Variants in MEIOSIN observed in about 807,000 individuals in gnomAD.
MEIOSIN encodes meiosis initiator protein.
A neutral mutation model predicts 23.4 loss-of-function variants in MEIOSIN; 18 were observed. That is an observed-to-expected ratio of 0.77 (90% CI 0.53 to 1.14). The LOEUF (loss-of-function observed/expected upper bound fraction) is 1.14. MEIOSIN is among the 50% of genes most tolerant of loss of function. The pLI is 0.00. For synonymous variants in MEIOSIN, 187 were observed against 100.6 expected (o/e 1.86, Z -5.14); for missense variants, 428 against 242.9 (o/e 1.76, Z -5.07).
At chr19:45,749,192 G>A (rs1043592873) in intron 4 of MEIOSIN, among the ~76,000 whole-genome samples, 2 of 151,540 alleles carry the variant, frequency 1.3e-5, no homozygotes, top group East Asian at 1.9e-4. Flanking sequence ...ACAACATGGC[G>A]AAACCTCATC....
intron 3 of MEIOSIN, among the ~76,000 whole-genome samples, chr19:45,742,549 G>A (rs1968524180): frequency 1.3e-5 from 2 of 151,882 alleles, no homozygotes; most frequent in African/African-American, 4.8e-5. Flanking sequence ...GGAGGCCAAG[G>A]CGGACAGATC....
rs1423869207 is a variant in MEIOSIN at position 45,756,092 on chromosome 19, C to T, written c.911+14C>T. ...GCCCCATCCCAGGTAAGGGCGTCCC[C>T]AGGGCACTGAGTGAGTGGTGCTGAG... On this transcript the variant is annotated intron_variant, in intron 8 of 14. Coordinates refer to ENST00000457052, the MANE Select transcript of MEIOSIN (RefSeq NM_001310124.2). 2.8e-6 allele frequency: 2 copies of T among 702,376 alleles called. No homozygotes were observed. Among genetic ancestry groups the T allele is most frequent in the Middle Eastern group, 2.4e-4 (1 of 4,142 alleles). 43.5% of individuals were successfully genotyped at this position (702,376 alleles called of 1,614,324 possible). A position where few individuals can be genotyped will look rare whatever the true frequency, so the allele number is the denominator to read the frequency against.
At position 45,759,404 on chromosome 19, in the gene MEIOSIN, C is replaced by T. The variant is rs2146198413; in HGVS notation, c.1169-10C>T. 4.3e-6 allele frequency: 3 copies of T among 703,324 alleles called. No homozygotes were observed. Among genetic ancestry groups the T allele is most frequent in the African/African-American group, 1.7e-5 (1 of 57,378 alleles). 43.6% of individuals were successfully genotyped at this position (703,324 alleles called of 1,614,324 possible). On this transcript the variant is annotated splice_polypyrimidine_tract_variant and intron_variant, in intron 10 of 14. Transcript: ENST00000457052. ...TCCACTCTGGCTGCCCCTCTGGTCTCCCTCCCTAGCGGCTTTCTTTGAAGA... is the reference window on the plus strand; with the variant it reads ...TCCACTCTGGCTGCCCCTCTGGTCTTCCTCCCTAGCGGCTTTCTTTGAAGA...
At chr19:45,742,979 G>C (rs1968532404) in intron 3 of MEIOSIN, among the ~76,000 whole-genome samples, 1 of 152,180 alleles carries the variant, frequency 6.6e-6, no homozygotes, top group South Asian at 2.1e-4. Flanking sequence ...CAAATATACA[G>C]ACTGTGAGGG....
rs963912384 is a variant in MEIOSIN, at chr19:45,762,182, C to T, written c.1678C>T (p.Arg560Ter). Residue 560 changes from arginine to a stop codon, truncating the protein, a stop_gained and splice_region_variant, in exon 13 of 15, where the codon CGA becomes TGA. Coordinates refer to ENST00000457052, the MANE Select transcript of MEIOSIN (RefSeq NM_001310124.2). LOFTEE classifies it high-confidence loss of function. ...CAGGATGAACCGGAAGCAGTACATC[C>T]GGTGGGTAGGGGGTCGTCTTTGGCC... ...FCRMNRKQYI[R>*]SCPGTASTAA... is the part of the protein sequence containing the mutation. 4.9e-6 allele frequency: 2 copies of T among 405,892 alleles called. No homozygotes were observed. Among genetic ancestry groups the T allele is most frequent in the South Asian group, 1.2e-4 (1 of 8,648 alleles). 25.1% of individuals were successfully genotyped at this position (405,892 alleles called of 1,614,324 possible).
At chr19:45,742,198 G>A (rs541601745) in intron 3 of MEIOSIN, among the ~76,000 whole-genome samples, 3 of 151,058 alleles carry the variant, frequency 2.0e-5, no homozygotes, top group African/African-American at 7.3e-5. Flanking sequence ...GTAGATGCAG[G>A]GTCTCACTAT....
intron 2 of MEIOSIN, among the ~76,000 whole-genome samples, chr19:45,739,342 G>A (rs1236653631): frequency 2.0e-5 from 3 of 152,016 alleles, no homozygotes; most frequent in Admixed American, 6.6e-5. Context: ...TAGTGAAAAC[G>A]GGGTTTCACC....
chr19:45,737,937 T>C (rs12610941), intron 2 of MEIOSIN, among the ~76,000 whole-genome samples: 68,177 of 150,252 alleles, frequency 0.45, 16,048 homozygotes, highest in East Asian at 0.65. Context: ...AAAAAAAAAA[T>C]TGTGGACAGG....
In MEIOSIN at chr19:45,756,039, C is replaced by T. The variant is rs1968821802; in HGVS notation, c.872C>T (p.Ala291Val). ...FPALLAQEDV[A>V]RIHFLNKTQP... Reference sequence around the variant, plus strand: ...GCGCTCCTGGCTCAGGAAGATGTGGCGAGGATCCATTTTCTCAACAAGACC... The same window carrying T: ...GCGCTCCTGGCTCAGGAAGATGTGGTGAGGATCCATTTTCTCAACAAGACC... Residue 291 changes from alanine (A) to valine (V), a missense_variant, in exon 8 of 15, where the codon GCG becomes GTG. Physicochemically the swap from Ala to Val is moderately conservative, Grantham distance 64. Coordinates refer to ENST00000457052, the MANE Select transcript of MEIOSIN (RefSeq NM_001310124.2). The T allele has an allele frequency of 2.8e-6, 2 of 702,762 alleles. No individual in the cohort carries two copies. The highest frequency in any genetic ancestry group is 1.5e-5 in the South Asian group (1 of 67,590). The allele number at this position is 702,762 out of a possible 1,614,324, so 43.5% of individuals were successfully genotyped here. A position where few individuals can be genotyped will look rare whatever the true frequency, so the allele number is the denominator to read the frequency against.
intron 6 of MEIOSIN, 67 bp from the exon 7 acceptor site, chr19:45,754,412 A>G (rs1216886998): frequency 1.1e-5 from 7 of 653,284 alleles, no homozygotes; most frequent in Non-Finnish European, 1.9e-5. Context: ...TTCCCACCTG[A>G]ACCCTATTCT....
intron 4 of MEIOSIN, among the ~76,000 whole-genome samples, chr19:45,747,467 A>G: frequency 6.6e-6 from 1 of 152,114 alleles, no homozygotes; most frequent in East Asian, 1.9e-4. Flanking sequence ...TATCACTGCA[A>G]TTACTTCCTT....
intron 4 of MEIOSIN, among the ~76,000 whole-genome samples, chr19:45,745,616 T>G (rs1968579453): frequency 2.0e-5 from 3 of 152,230 alleles, no homozygotes; most frequent in Admixed American, 2.0e-4. Context: ...GCTTCACAGC[T>G]ACAGAACTCT....
At chr19:45,758,613 A>C (rs1968880797) in intron 9 of MEIOSIN, among the ~76,000 whole-genome samples, 1 of 151,640 alleles carries the variant, frequency 6.6e-6, no homozygotes, top group Admixed American at 6.6e-5. Context: ...ATTTTTTAGT[A>C]GAGACGGGGT....
chr19:45,753,037 C>T (rs1279818514), intron 5 of MEIOSIN, among the ~76,000 whole-genome samples: 1 of 151,092 alleles, frequency 6.6e-6, no homozygotes, highest in South Asian at 2.1e-4. Context: ...GATTCTCCTG[C>T]CTCAGCCTCC....
chr19:45,750,043 G>A (rs1483680981), intron 4 of MEIOSIN, among the ~76,000 whole-genome samples: 3 of 149,770 alleles, frequency 2.0e-5, no homozygotes, highest in Non-Finnish European at 4.5e-5. Flanking sequence ...AAGAAAGACA[G>A]GGTTGAGCAC....
chr19:45,737,175 CT>C (rs754481912), intron 2 of MEIOSIN, among the ~76,000 whole-genome samples: 1,828 of 140,350 alleles, frequency 0.013, 17 homozygotes, highest in African/African-American at 0.031. Context: ...GGCTTCTTTC[CT>C]TTTTTTTTTT....
At chr19:45,752,907 T>C (rs955498658) in intron 5 of MEIOSIN, among the ~76,000 whole-genome samples, 1 of 147,430 alleles carries the variant, frequency 6.8e-6, no homozygotes, top group African/African-American at 2.5e-5. Flanking sequence ...CTTACTCAGA[T>C]AGTTTCTTCT....
chr19:45,742,797 AAAAC>A lies in MEIOSIN; in HGVS notation c.177-2383_177-2380del, dbSNP rs375578906. 1.1e-4 allele frequency among the ~76,000 whole-genome samples: 17 copies of A among 152,182 alleles called. No individual in the cohort carries two copies. In the East Asian group the frequency reaches 2.7e-3, roughly 24 times the overall value. On this transcript the variant is annotated intron_variant, in intron 3 of 14. Transcript: ENST00000457052. ...GGGTGACAGAGCAAGACTCTGTCTC[AAAAC>A]AAACAAACAAAACAAAACAACAACA...
intron 4 of MEIOSIN, 126 bp downstream of exon 4, chr19:45,745,447 C>G: frequency 1.7e-6 from 1 of 588,944 alleles, no homozygotes; most frequent in Non-Finnish European, 3.0e-6. Context: ...GGGAATGGTG[C>G]TACTCTGAAC....
Sources: allele counts gnomAD v4.1 joint callset (sites outside exome capture counted in the v4.1 genomes callset), GRCh38; gene constraint gnomAD v4.1.1; transcripts MANE v1.5; gene names NCBI Gene and HGNC (gene_info 2026-07-23, HGNC 2026-07-21).